The following ARID4A variants were observed in gnomAD, a reference collection of about 807,000 sequenced individuals.
ARID4A encodes AT-rich interaction domain 4A, also known as AT-rich interactive domain-containing protein 4A.
Under a neutral mutation model 148.6 loss-of-function variants are expected in ARID4A, and 39 were observed. That is an observed-to-expected ratio of 0.26 (90% CI 0.20 to 0.34). The LOEUF (loss-of-function observed/expected upper bound fraction) is 0.34. Among genes scored for constraint, ARID4A ranks in the 10% least tolerant of loss-of-function variants. ARID4A has a pLI of 1.00. For synonymous variants in ARID4A, 475 were observed against 481.2 expected (o/e 0.99, Z 0.17); for missense variants, 1,265 against 1,449.1 (o/e 0.87, Z 2.06).
chr14:58,312,477 A>G lies in ARID4A; in HGVS notation c.275-6065A>G, dbSNP rs367668654. Among the ~76,000 whole-genome samples the G allele has an allele frequency of 1.1e-4, 16 of 152,224 alleles. No individual in the cohort carries two copies. In the East Asian group the frequency reaches 2.3e-3, roughly 22 times the overall value. On this transcript the variant is annotated intron_variant, in intron 5 of 23. Coordinates refer to ENST00000355431, the MANE Select transcript of ARID4A (RefSeq NM_002892.4). ...GTGATCCACCTGCCTCTGCCTTCCA[A>G]AGTGCTGGGATTACAGGCATGAGCC...
chr14:58,328,030 C>T (rs780836085), intron 8 of ARID4A, among the ~76,000 whole-genome samples: 2 of 152,100 alleles, frequency 1.3e-5, no homozygotes, highest in Admixed American at 6.5e-5. Context: ...AATTAAATTT[C>T]TAGGCAACCA....
Position 58,366,081 on chromosome 14 carries a change from C to G in ARID4A, c.3374C>G (p.Pro1125Arg). The stretch of plus-strand genomic sequence containing the variant: ...CTAGACAATTCAAGTAAATGTACCC[C>G]AGTAAAGCATCTTAATGTATCTAAG... ...PVLDNSSKCT[P>R]VKHLNVSKPQ... The change falls in exon 22 of 24, where the codon CCA (proline) becomes CGA (arginine). Residue 1125 changes from proline to arginine, a missense_variant. By Grantham distance (103) the Pro-to-Arg change is moderately radical (BLOSUM62 -2). This residue lies in a region of ARID4A where 666 missense variants were observed against 730.9 expected (regional missense o/e 0.91). Transcript: ENST00000355431. The G allele has an allele frequency of 6.2e-7, 1 of 1,613,804 alleles. No individual in the cohort carries two copies. Among genetic ancestry groups the G allele is most frequent in the Non-Finnish European group, 8.5e-7 (1 of 1,179,792 alleles).
intron 11 of ARID4A, among the ~76,000 whole-genome samples, chr14:58,342,693 A>G (rs571191276): frequency 2.6e-5 from 4 of 152,296 alleles, no homozygotes; most frequent in East Asian, 3.9e-4. Flanking sequence ...TGGGTGGATC[A>G]CCTGAGGTCA....
intron 11 of ARID4A, among the ~76,000 whole-genome samples, chr14:58,336,240 C>T (rs2033808173): frequency 6.6e-6 from 1 of 152,176 alleles, no homozygotes; most frequent in African/African-American, 2.4e-5. Context: ...ACTGTCTTGG[C>T]TCTTAGTCCT....
chr14:58,339,195 T>C (rs985167502), intron 11 of ARID4A, among the ~76,000 whole-genome samples: 1 of 151,918 alleles, frequency 6.6e-6, no homozygotes, highest in Non-Finnish European at 1.5e-5. Context: ...CAGTCTGGTC[T>C]AAAACCCCTG....
intron 18 of ARID4A, among the ~76,000 whole-genome samples, chr14:58,359,641 C>G (rs1239294645): frequency 2.6e-5 from 4 of 152,170 alleles, no homozygotes; most frequent in African/African-American, 7.2e-5. Context: ...GACTTTTTCT[C>G]TCTCCATAGT....
chr14:58,348,913 T>C (rs529368494), intron 15 of ARID4A, among the ~76,000 whole-genome samples: 16 of 152,290 alleles, frequency 1.1e-4, no homozygotes, highest in African/African-American at 3.9e-4. Flanking sequence ...TTCATTGGCA[T>C]TAAGTACATT....
intron 5 of ARID4A, among the ~76,000 whole-genome samples, chr14:58,316,614 CTTG>C (rs2032429969): frequency 6.6e-6 from 1 of 152,012 alleles, no homozygotes; most frequent in African/African-American, 2.4e-5. Context: ...AAGTTTTGCT[CTTG>C]TTGTCCAGGC....
chr14:58,331,472 A>C (rs959391109), intron 11 of ARID4A: 1 of 152,246 alleles, frequency 6.6e-6, no homozygotes, highest in Admixed American at 6.5e-5. Flanking sequence ...GATTAAGTAG[A>C]AGGGGAATCT....
intron 23 of ARID4A, among the ~76,000 whole-genome samples, chr14:58,368,871 T>C (rs894836038): frequency 1.3e-5 from 2 of 152,242 alleles, no homozygotes; most frequent in South Asian, 4.1e-4. Flanking sequence ...TTTCCACTTG[T>C]GGCACCACGT....
chr14:58,341,153 T>C (rs1052927566), intron 11 of ARID4A, among the ~76,000 whole-genome samples: 2 of 152,168 alleles, frequency 1.3e-5, no homozygotes, highest in Admixed American at 6.5e-5. Flanking sequence ...AATTCAGGCA[T>C]GCGTTCTCTT....
At chr14:58,364,081 T>G (rs1276122429) in intron 19 of ARID4A, 89 bp from the exon 20 acceptor site, 2 of 698,574 alleles carry the variant, frequency 2.9e-6, no homozygotes, top group Admixed American at 4.2e-5. Context: ...GATTAAAGAT[T>G]TTTATTGTTA....
At chr14:58,322,980 A>ATAT (rs1555359733) in intron 7 of ARID4A, among the ~76,000 whole-genome samples, 65 of 114,278 alleles carry the variant, frequency 5.7e-4, no homozygotes, top group Non-Finnish European at 8.4e-4. Context: ...AAAAAAAAAA[A>ATAT]ATATATATAT....
chr14:58,314,047 A>G (rs907244335), intron 5 of ARID4A, among the ~76,000 whole-genome samples: 1 of 152,214 alleles, frequency 6.6e-6, no homozygotes, highest in African/African-American at 2.4e-5. Flanking sequence ...TTAACTGTCA[A>G]AATACCTAAC....
Position 58,364,580 on chromosome 14 carries a change from T to C in ARID4A, c.2491T>C (p.Ser831Pro). 1.9e-6 allele frequency: 3 copies of C among 1,612,390 alleles called. No homozygotes were observed. The highest frequency in any genetic ancestry group is 1.7e-6 in the Non-Finnish European group (2 of 1,179,666). Residue 831 changes from serine to proline, a missense_variant, in exon 20 of 24, where the codon TCT becomes CCT. Coordinates refer to ENST00000355431, the MANE Select transcript of ARID4A (RefSeq NM_002892.4). Reference sequence around the variant, plus strand: ...TATAGAAGCTCATAGTCTTGAATTGTCTTCATTAGACAATAAAAACTTTTC... The same window carrying C: ...TATAGAAGCTCATAGTCTTGAATTGCCTTCATTAGACAATAAAAACTTTTC... ...PHIEAHSLEL[S>P]SLDNKNFSSA...
intron 2 of ARID4A, among the ~76,000 whole-genome samples, chr14:58,300,073 C>G (rs761174410): frequency 2.0e-5 from 3 of 152,214 alleles, no homozygotes; most frequent in Non-Finnish European, 4.4e-5. Context: ...TTTGGAAAGG[C>G]TGGTGCAGCC....
intron 7 of ARID4A, among the ~76,000 whole-genome samples, chr14:58,321,647 G>A (rs1420135129): frequency 6.6e-6 from 1 of 152,108 alleles, no homozygotes; most frequent in Non-Finnish European, 1.5e-5. Context: ...ACTCACTGCT[G>A]CTGGGGAGTA....
intron 11 of ARID4A, among the ~76,000 whole-genome samples, chr14:58,338,122 A>G (rs888271440): frequency 6.6e-6 from 1 of 152,220 alleles, no homozygotes; most frequent in African/African-American, 2.4e-5. Flanking sequence ...TAGGAAAGAT[A>G]AAACGCAAGT....
At chr14:58,351,383 T>A in intron 16 of ARID4A, 60 bp downstream of exon 16, 1 of 1,541,846 alleles carries the variant, frequency 6.5e-7, no homozygotes, top group Non-Finnish European at 8.7e-7. Flanking sequence ...AGCGCTTTGT[T>A]CCTGCTTAGA....
Sources: allele counts gnomAD v4.1 joint callset (sites outside exome capture counted in the v4.1 genomes callset), GRCh38; gene constraint gnomAD v4.1.1; regional missense constraint gnomAD v4.1.1; transcripts MANE v1.5; gene names NCBI Gene and HGNC (gene_info 2026-07-23, HGNC 2026-07-21).